The following DAAM1 variants were observed in gnomAD, a reference collection of about 807,000 sequenced individuals.
DAAM1 encodes disheveled-associated activator of morphogenesis 1.
A neutral mutation model predicts 130.0 loss-of-function variants in DAAM1; 52 were observed. That is an observed-to-expected ratio of 0.40 (90% CI 0.32 to 0.50). The LOEUF is 0.50. Among genes scored for constraint, DAAM1 ranks in the 20% least tolerant of loss-of-function variants. The pLI, the probability that DAAM1 is intolerant of heterozygous loss-of-function variation, is 0.61. For synonymous variants in DAAM1, 452 were observed against 444.5 expected, an observed-to-expected ratio of 1.02 and a Z score of -0.21; for missense variants, 1,134 against 1,303.8, an observed-to-expected ratio of 0.87 and a Z score of 2.01.
chr14:59,308,811 T>C (rs1259424666), intron 3 of DAAM1, among the ~76,000 whole-genome samples: 1 of 152,240 alleles, frequency 6.6e-6, no homozygotes, highest in Non-Finnish European at 1.5e-5. Context: ...TCATTCAGTC[T>C]TTCCAGAAAA....
intron 12 of DAAM1, among the ~76,000 whole-genome samples, 159 bp from the exon 13 acceptor site, chr14:59,330,342 A>C (rs1237231706): frequency 6.6e-6 from 1 of 152,204 alleles, no homozygotes; most frequent in Non-Finnish European, 1.5e-5. Flanking sequence ...AACATCATTT[A>C]GCCTTTGAGT....
intron 16 of DAAM1, among the ~76,000 whole-genome samples, chr14:59,346,833 G>A (rs1281733541): frequency 6.6e-6 from 1 of 151,974 alleles, no homozygotes; most frequent in African/African-American, 2.4e-5. Context: ...TATGTTGATG[G>A]TAGACAGAAA....
chr14:59,329,536 T>C (rs1395478297), intron 12 of DAAM1, among the ~76,000 whole-genome samples: 1 of 152,190 alleles, frequency 6.6e-6, no homozygotes, highest in Admixed American at 6.5e-5. Flanking sequence ...AATTCAGAAA[T>C]AGAGACCAGC....
intron 1 of DAAM1, among the ~76,000 whole-genome samples, chr14:59,212,294 CA>C (rs1566651099): frequency 6.6e-6 from 1 of 152,068 alleles, no homozygotes; most frequent in East Asian, 1.9e-4. Flanking sequence ...TTTTTGAAGT[CA>C]GACTTGTTTG....
intron 18 of DAAM1, 70 bp downstream of exon 18, chr14:59,352,702 T>A: frequency 7.2e-7 from 1 of 1,387,250 alleles, no homozygotes; most frequent in Admixed American, 2.0e-5. Context: ...TTTCAATTCA[T>A]GTTGAATTGT....
intron 10 of DAAM1, 165 bp downstream of exon 10, chr14:59,326,242 A>G (rs552182116): frequency 1.4e-6 from 1 of 703,926 alleles, no homozygotes; most frequent in East Asian, 2.8e-5. Context: ...AAAGGGTGTT[A>G]CAAAATTTTT....
chr14:59,336,983 T>C (rs1304973292), intron 15 of DAAM1, among the ~76,000 whole-genome samples: 2 of 152,136 alleles, frequency 1.3e-5, no homozygotes, highest in African/African-American at 4.8e-5. Context: ...TAAATAACAG[T>C]TGCCTGATTC....
At chr14:59,286,514 C>T (rs1452541050) in intron 2 of DAAM1, among the ~76,000 whole-genome samples, 1 of 151,920 alleles carries the variant, frequency 6.6e-6, no homozygotes, top group Admixed American at 6.6e-5. Context: ...AAAGATTAAA[C>T]AAGATTTATA....
intron 1 of DAAM1, among the ~76,000 whole-genome samples, chr14:59,202,296 A>G (rs1033994096): frequency 6.6e-6 from 1 of 152,182 alleles, no homozygotes; most frequent in Non-Finnish European, 1.5e-5. Context: ...CTCATGGAGG[A>G]CCTTGTCTTT....
At chr14:59,208,492 T>C (rs1888330010) in intron 1 of DAAM1, among the ~76,000 whole-genome samples, 1 of 152,224 alleles carries the variant, frequency 6.6e-6, no homozygotes, top group Admixed American at 6.5e-5. Context: ...CAGTTTCACA[T>C]GCATCCCTTC....
At position 59,360,023 on chromosome 14, in the gene DAAM1, T is replaced by C. The variant is rs997750594; in HGVS notation, c.2633+519T>C. ...TTTTTCCCTCCCTCTTTTGGCTCTT[T>C]TTTTAAAACATAAACTGCATCTTTT... On this transcript the variant is annotated intron_variant, in intron 21 of 24. Coordinates refer to ENST00000360909, the MANE Select transcript of DAAM1 (RefSeq NM_001270520.2). Among the ~76,000 whole-genome samples, 3 of 152,372 alleles carry C rather than the reference T, an allele frequency of 2.0e-5. No homozygotes were observed. In the South Asian group the frequency reaches 6.2e-4, roughly 32 times the overall value.
intron 2 of DAAM1, chr14:59,264,799 G>C (rs373821399): frequency 3.3e-5 from 5 of 152,140 alleles, no homozygotes; most frequent in Admixed American, 6.5e-5. Context: ...TGTTCTTCCT[G>C]ATACTCTCCC....
chr14:59,356,623 G>T (rs757270081), intron 20 of DAAM1, among the ~76,000 whole-genome samples: 94 of 152,168 alleles, frequency 6.2e-4, no homozygotes, highest in Non-Finnish European at 1.2e-3. Context: ...GCAGCAGAAG[G>T]ATCTTATTTG....
chr14:59,307,963 A>G (rs1184290600), intron 3 of DAAM1, among the ~76,000 whole-genome samples: 2 of 152,180 alleles, frequency 1.3e-5, no homozygotes, highest in African/African-American at 4.8e-5. Flanking sequence ...TTTACGGCCA[A>G]CTTTGTTAAA....
chr14:59,244,152 T>C (rs754628096), intron 1 of DAAM1, among the ~76,000 whole-genome samples: 3 of 152,136 alleles, frequency 2.0e-5, no homozygotes, highest in Non-Finnish European at 2.9e-5. Flanking sequence ...TAATTCTCTC[T>C]TGCCCGCCAC....
In DAAM1 at chr14:59,359,406, CCTTTTGCA is replaced by C. The variant is rs1886615599; in HGVS notation, c.2538_2545del (p.Leu847SerfsTer8). On this transcript the variant is annotated frameshift_variant, in exon 21 of 25. Transcript: ENST00000360909. LOFTEE classifies it high-confidence loss of function. The stretch of plus-strand genomic sequence containing the variant: ...CCTTCTTCAATTGTAGAAACATTAC[CCTTTTGCA>C]CTATCTCATCACTATTGTGGAAAAT... 6.2e-7 allele frequency: 1 copy of C among 1,609,262 alleles called. No homozygotes were observed.
rs1594857805 is a variant in DAAM1 at position 59,369,041 on chromosome 14, G to A, written c.*182G>A. The A allele has an allele frequency of 3.4e-6, 2 of 587,356 alleles. No homozygotes were observed. The highest frequency in any genetic ancestry group is 1.9e-5 in the African/African-American group (1 of 53,544). 36.4% of individuals were successfully genotyped at this position (587,356 alleles called of 1,614,324 possible). A position where few individuals can be genotyped will look rare whatever the true frequency, so the allele number is the denominator to read the frequency against. On this transcript the variant is annotated 3_prime_UTR_variant, in exon 25 of 25. Coordinates refer to ENST00000360909, the MANE Select transcript of DAAM1 (RefSeq NM_001270520.2). Reference sequence around the variant, plus strand: ...TATTAAAAAATGTATATAGATGTCTGAGTGTTGTCTGGAGACCTATACGTA... The same window carrying A: ...TATTAAAAAATGTATATAGATGTCTAAGTGTTGTCTGGAGACCTATACGTA...
At chr14:59,353,300 G>T (rs1365857551) in intron 18 of DAAM1, among the ~76,000 whole-genome samples, 2 of 152,160 alleles carry the variant, frequency 1.3e-5, no homozygotes, top group African/African-American at 4.8e-5. Context: ...TGAACCTCAG[G>T]GCACAGTTTT....
chr14:59,322,755 A>G lies in DAAM1; in HGVS notation c.441-137A>G, dbSNP rs560208874. ...TGTGCCAAGGAAGAGGCAAAGAATT[A>G]AAAAGACTTCATCAATGTAAGCCTT... On this transcript the variant is annotated intron_variant, in intron 5 of 24. Coordinates refer to ENST00000360909, the MANE Select transcript of DAAM1 (RefSeq NM_001270520.2). 1.9e-5 allele frequency: 13 copies of G among 690,772 alleles called. No individual in the cohort carries two copies. The African/African-American group carries it at 2.0e-4, about 10-fold the overall frequency. 42.8% of individuals were successfully genotyped at this position (690,772 alleles called of 1,614,324 possible).
Sources: allele counts gnomAD v4.1 joint callset (sites outside exome capture counted in the v4.1 genomes callset), GRCh38; gene constraint gnomAD v4.1.1; transcripts MANE v1.5; gene names NCBI Gene and HGNC (gene_info 2026-07-23, HGNC 2026-07-21).